Variants in BEST1 observed in about 807,000 individuals in gnomAD.
BEST1 encodes bestrophin 1.
A neutral mutation model predicts 63.3 loss-of-function variants in BEST1; 58 were observed. The ratio of observed to expected loss-of-function variants is 0.92; its 90% CI spans 0.74 to 1.14. The LOEUF (loss-of-function observed/expected upper bound fraction) is 1.14, where lower values mean the gene tolerates loss of function less well. Ranked by LOEUF, BEST1 falls within the 50% of genes most tolerant of loss-of-function variation. The pLI is 0.00. For synonymous variants in BEST1, 283 were observed against 291.6 expected (o/e 0.97, Z 0.30); for missense variants, 671 against 740.1 (o/e 0.91, Z 1.08).
chr11:61,964,862 C>G (rs753284051), downstream of BEST1: 6 of 1,604,272 alleles, frequency 3.7e-6, no homozygotes, highest in African/African-American at 8.0e-5. Flanking sequence ...CCTGCTCATT[C>G]AGGTAATGTG....
At position 61,951,782 on chromosome 11, in the gene BEST1, A is replaced by G. The variant is rs769300880; in HGVS notation, c.-25A>G. 6.2e-7 allele frequency: 1 copy of G among 1,610,360 alleles called. No homozygotes were observed. ...TCCCTCTCTACCAGGACCCAAGCCCACCTGCTGCAGCCCACTGCCTGGCCA... is the reference window on the plus strand; with the variant it reads ...TCCCTCTCTACCAGGACCCAAGCCCGCCTGCTGCAGCCCACTGCCTGGCCA... On this transcript the variant is annotated 5_prime_UTR_variant, in exon 2 of 11. Transcript: ENST00000378043.
intron 7 of BEST1, 50 bp downstream of exon 7, chr11:61,958,348 A>G: frequency 6.2e-7 from 1 of 1,613,766 alleles, no homozygotes; most frequent in Non-Finnish European, 8.5e-7. Context: ...CAGAGGGGTC[A>G]TGGCCAGCAG....
At chr11:61,965,197 A>G (rs1591321068), downstream of BEST1, 24 of 1,598,382 alleles carry the variant, frequency 1.5e-5, no homozygotes, top group East Asian at 5.3e-4. Context: ...GTTTTGGCAA[A>G]AGGGACATTA....
Position 61,957,010 on chromosome 11 carries a change from G to A in BEST1, c.636+12G>A, listed in dbSNP as rs1416021092. On this transcript the variant is annotated intron_variant, in intron 5 of 10. Transcript: ENST00000378043. ...AGAGCCTGCTGAACGTGAGCCCACTGTACAGACAGGGCTGCCGCAGAGTGG... is the reference window on the plus strand; with the variant it reads ...AGAGCCTGCTGAACGTGAGCCCACTATACAGACAGGGCTGCCGCAGAGTGG... 6.2e-7 allele frequency: 1 copy of A among 1,613,972 alleles called. No individual in the cohort carries two copies. Among genetic ancestry groups the A allele is most frequent in the Non-Finnish European group, 8.5e-7 (1 of 1,180,014 alleles).
downstream of BEST1, chr11:61,965,276 C>T: frequency 1.9e-6 from 3 of 1,597,922 alleles, no homozygotes; most frequent in East Asian, 2.2e-5. Context: ...AGTGTATCAT[C>T]ACTTTATAAG....
In BEST1 at chr11:61,951,337, A is replaced by G. The variant is rs1003459820; in HGVS notation, c.-36-434A>G. On this transcript the variant is annotated intron_variant, in intron 1 of 10. Transcript: ENST00000378043. The stretch of plus-strand genomic sequence containing the variant: ...ATTCTCCTGCCTCAGCCTCCTGAGT[A>G]GCTGGGATTACAGGCACCCGCACCA... Among the ~76,000 whole-genome samples the G allele has an allele frequency of 2.6e-5, 4 of 152,086 alleles. No individual in the cohort carries two copies. The East Asian group carries it at 7.7e-4, about 29-fold the overall frequency.
intron 4 of BEST1, among the ~76,000 whole-genome samples, chr11:61,956,547 A>T (rs976861545): frequency 1.3e-5 from 2 of 151,924 alleles, no homozygotes; most frequent in Admixed American, 1.3e-4. Flanking sequence ...GAGGCTGAGT[A>T]TCGGGAGGCT....
intron 10 of BEST1, 90 bp downstream of exon 10, chr11:61,962,983 T>C (rs748351203): frequency 3.7e-6 from 6 of 1,608,486 alleles, no homozygotes; most frequent in South Asian, 1.1e-5. Flanking sequence ...CTCCACAATT[T>C]CCTAGGGTTC....
chr11:61,965,217 T>C, downstream of BEST1: 1 of 1,591,334 alleles, frequency 6.3e-7, no homozygotes, highest in Non-Finnish European at 8.6e-7. Flanking sequence ...ACTATTTGCC[T>C]AATTTAGTTT....
chr11:61,964,657 C>T (rs549950643), downstream of BEST1: 11 of 1,508,082 alleles, frequency 7.3e-6, no homozygotes, highest in Non-Finnish European at 7.3e-6. Flanking sequence ...TAAAGGAAAC[C>T]CCAACATGCA....
chr11:61,963,218 T>C, intron 10 of BEST1: 1 of 1,404,834 alleles, frequency 7.1e-7, no homozygotes, highest in Non-Finnish European at 9.3e-7. Context: ...GCTGAGCAGA[T>C]GTTATCACTG....
At chr11:61,955,975 G>A in intron 4 of BEST1, 24 bp downstream of exon 4, 1 of 1,541,148 alleles carries the variant, frequency 6.5e-7, no homozygotes, top group Non-Finnish European at 8.8e-7. Context: ...GAGCAACGGG[G>A]AGGCACCGGG....
intron 7 of BEST1, 191 bp from the exon 8 acceptor site, chr11:61,959,307 G>A (rs758684991): frequency 1.7e-5 from 11 of 646,978 alleles, no homozygotes; most frequent in Non-Finnish European, 2.5e-5. Flanking sequence ...AGAGTTAGAG[G>A]GGCTGTGTCC....
intron 9 of BEST1, 87 bp downstream of exon 9, chr11:61,960,130 T>C: frequency 1.3e-6 from 2 of 1,528,426 alleles, no homozygotes; most frequent in African/African-American, 1.4e-5. Context: ...AGTTAATGCA[T>C]ACAGGTTGCT....
At chr11:61,956,387 G>C (rs168990) in intron 4 of BEST1, among the ~76,000 whole-genome samples, 134,920 of 152,160 alleles carry the variant, frequency 0.89, 60,048 homozygotes, top group East Asian at 1. Context: ...CGTGGTGGCT[G>C]TCGCCTGTAA....
chr11:61,964,093 A>C lies in BEST1; in HGVS notation c.1740-11A>C. Reference sequence around the variant, plus strand: ...CCATACTTATGCTGTTAATACTTTCATTCTCACTAGGGATGAAGCACATTC... The same window carrying C: ...CCATACTTATGCTGTTAATACTTTCCTTCTCACTAGGGATGAAGCACATTC... On this transcript the variant is annotated splice_polypyrimidine_tract_variant and intron_variant, in intron 10 of 10. Coordinates refer to ENST00000378043, the MANE Select transcript of BEST1 (RefSeq NM_004183.4). The C allele has an allele frequency of 6.2e-7, 1 of 1,613,722 alleles. No homozygotes were observed. Among genetic ancestry groups the C allele is most frequent in the Non-Finnish European group, 8.5e-7 (1 of 1,179,988 alleles).
rs886039311 is a variant in BEST1, at chr11:61,959,504, G to A, written c.874G>A (p.Glu292Lys). The change falls in exon 8 of 11, where the codon GAG (glutamate) becomes AAG (lysine). Residue 292 changes from glutamate to lysine, a missense_variant. Physicochemically the swap from Glu to Lys is moderately conservative, Grantham distance 56. Transcript: ENST00000378043. The part of the protein sequence containing the change: ...FFYVGWLKVA[E>K]QLINPFGEDD... ...AGCCTCACCTGTCCCCAAGGTGGCA[G>A]AGCAGCTCATCAACCCCTTTGGAGA... 1.2e-6 allele frequency: 2 copies of A among 1,614,194 alleles called. No individual in the cohort carries two copies. The highest frequency in any genetic ancestry group is 1.7e-6 in the Non-Finnish European group (2 of 1,180,024).
intron 2 of BEST1, among the ~76,000 whole-genome samples, chr11:61,953,061 C>G (rs1049068664): frequency 2.0e-5 from 3 of 152,078 alleles, no homozygotes; most frequent in Non-Finnish European, 4.4e-5. Flanking sequence ...TATGATCACA[C>G]CACTGCACTT....
intron 3 of BEST1, chr11:61,955,428 G>A (rs1360031809): frequency 4.9e-6 from 7 of 1,415,582 alleles, no homozygotes; most frequent in Admixed American, 2.8e-5. Context: ...CCCATTTTCT[G>A]AGGGAAGCGC....
Sources: allele counts gnomAD v4.1 joint callset (sites outside exome capture counted in the v4.1 genomes callset), GRCh38; gene constraint gnomAD v4.1.1; transcripts MANE v1.5; gene names NCBI Gene and HGNC (gene_info 2026-07-23, HGNC 2026-07-21).